Variants in MID1 observed in about 807,000 individuals in gnomAD.
The protein encoded by MID1 is midline 1, also known as E3 ubiquitin-protein ligase Midline-1.
Under a neutral mutation model 40.4 loss-of-function variants are expected in MID1, and 7 were observed. The ratio of observed to expected loss-of-function variants is 0.17; its 90% CI spans 0.10 to 0.33. MID1 has a LOEUF of 0.33. Among genes scored for constraint, MID1 ranks in the 10% least tolerant of loss-of-function variants. MID1 has a pLI of 1.00. For synonymous variants in MID1, 229 were observed against 221.2 expected, an observed-to-expected ratio of 1.04 and a Z score of -0.31; for missense variants, 367 against 558.5, an observed-to-expected ratio of 0.66 and a Z score of 3.46.
intron 1 of MID1, among the ~76,000 whole-genome samples, chrX:10,726,833 C>T (rs749813109): frequency 8.9e-6 from 1 of 112,612 alleles, no homozygotes; most frequent in Non-Finnish European, 1.9e-5. Context: ...GGCCAAGGAG[C>T]CATGAACTGC....
intron 1 of MID1, among the ~76,000 whole-genome samples, chrX:10,800,588 C>G (rs771809457): frequency 1.8e-5 from 2 of 111,895 alleles, no homozygotes; most frequent in African/African-American, 6.5e-5. Flanking sequence ...AATTGGCTTG[C>G]CACATGTAGC....
At chrX:10,808,361 G>A (rs1352320362) in intron 1 of MID1, among the ~76,000 whole-genome samples, 1 of 111,354 alleles carries the variant, frequency 9.0e-6, no homozygotes, top group Non-Finnish European at 1.9e-5. Context: ...TATCTGTGAT[G>A]AGCCGATGAT....
rs898488703 is a variant in MID1, at chrX:10,804,965, A to C, written c.-187+28589T>G. On this transcript the variant is annotated intron_variant, in intron 1 of 10. Transcript: ENST00000380785. ...AAGTAAATTTTTTCTAATCTTCACC[A>C]TGAGAACCTTGTGGGGGGAATCCTA... Among the ~76,000 whole-genome samples the C allele has an allele frequency of 2.7e-5, 3 of 111,240 alleles. No individual in the cohort carries two copies. In the East Asian group the frequency reaches 8.5e-4, roughly 32 times the overall value.
chrX:10,685,572 G>A (rs747618597), intron 1 of MID1, among the ~76,000 whole-genome samples: 4 of 111,624 alleles, frequency 3.6e-5, no homozygotes, highest in South Asian at 7.5e-4. Flanking sequence ...AGGAAGGAAC[G>A]CTGCTCAGAG....
At chrX:10,777,853 A>G (rs761256022) in intron 1 of MID1, among the ~76,000 whole-genome samples, 7 of 111,847 alleles carry the variant, frequency 6.3e-5, no homozygotes, top group East Asian at 5.6e-4. Context: ...GAAGACAAAC[A>G]TGCACATTAG....
rs767956049 is a variant in MID1, at chrX:10,454,836, T to TATAACTGCAGGACAATAGAAATAA, written c.1655+10_1655+33dup. ...AAGTACAGAATGAGATGTGCCTTTTTATAACTGCAGGACAATAGAAATAAG... is the reference window on the plus strand; with the variant it reads ...AAGTACAGAATGAGATGTGCCTTTTTATAACTGCAGGACAATAGAAATAAATAACTGCAGGACAATAGAAATAAG... On this transcript the variant is annotated intron_variant, in intron 9 of 9. Transcript: ENST00000317552. 5.3e-6 allele frequency: 6 copies of TATAACTGCAGGACAATAGAAATAA among 1,130,873 alleles called. No individual in the cohort carries two copies. In the African/African-American group the frequency reaches 5.4e-5, roughly 10 times the overall value. 93.2% of individuals were successfully genotyped at this position (1,130,873 alleles called of 1,213,427 possible).
chrX:10,664,606 G>T (rs1021833180), intron 1 of MID1, among the ~76,000 whole-genome samples: 1 of 112,034 alleles, frequency 8.9e-6, no homozygotes, highest in African/African-American at 3.2e-5. Flanking sequence ...ATTTCTCTTG[G>T]ATATATACCT....
intron 5 of MID1, chrX:10,475,266 C>A (rs1929946180): frequency 6.2e-6 from 2 of 321,303 alleles, no homozygotes; most frequent in Admixed American, 6.5e-5. Flanking sequence ...AATTACTAGC[C>A]TCTCTCTAAA....
At chrX:10,702,568 A>G (rs2043199364) in intron 1 of MID1, among the ~76,000 whole-genome samples, 1 of 112,476 alleles carries the variant, frequency 8.9e-6, no homozygotes, top group African/African-American at 3.2e-5. Context: ...ATCAGAATCT[A>G]TGAGCAAGTT....
chrX:10,452,226 G>GC (rs1274111247), intron 9 of MID1, among the ~76,000 whole-genome samples: 20 of 111,755 alleles, frequency 1.8e-4, no homozygotes, highest in Non-Finnish European at 3.4e-4. Flanking sequence ...GTTGTATGCT[G>GC]CCCCCACCCC....
intron 4 of MID1, among the ~76,000 whole-genome samples, chrX:10,483,600 AC>A (rs1930458231): frequency 1.8e-5 from 2 of 112,010 alleles, no homozygotes; most frequent in African/African-American, 6.5e-5. Flanking sequence ...ACAGGTTTCA[AC>A]CGGCTTTATG....
At chrX:10,632,333 C>T (rs1337744807) in intron 1 of MID1, among the ~76,000 whole-genome samples, 1 of 111,598 alleles carries the variant, frequency 9.0e-6, no homozygotes, top group Non-Finnish European at 1.9e-5. Flanking sequence ...GCTACAGTTC[C>T]CTTATTTGTA....
intron 1 of MID1, among the ~76,000 whole-genome samples, chrX:10,610,417 A>G (rs1278833042): frequency 3.6e-5 from 4 of 111,785 alleles, no homozygotes; most frequent in Non-Finnish European, 3.8e-5. Flanking sequence ...TAGTAGGGGA[A>G]GGGTCAAATC....
At chrX:10,704,371 G>A (rs1264797510) in intron 1 of MID1, among the ~76,000 whole-genome samples, 2 of 110,710 alleles carry the variant, frequency 1.8e-5, no homozygotes, top group Non-Finnish European at 3.8e-5. Flanking sequence ...TTTAAAGAGA[G>A]CTCAGGGACT....
At chrX:10,601,206 G>A (rs945607028) in intron 1 of MID1, among the ~76,000 whole-genome samples, 4 of 111,911 alleles carry the variant, frequency 3.6e-5, no homozygotes, top group African/African-American at 6.5e-5. Flanking sequence ...GGTAAGTAAC[G>A]TGCTTCCCAA....
chrX:10,468,659 T>G (rs1382920156), intron 7 of MID1, among the ~76,000 whole-genome samples: 1 of 111,784 alleles, frequency 8.9e-6, no homozygotes, highest in East Asian at 2.8e-4. Context: ...GAGGACTGCT[T>G]CCTCTGTTAT....
intron 1 of MID1, among the ~76,000 whole-genome samples, chrX:10,786,005 G>T (rs2043880072): frequency 9.0e-6 from 1 of 111,377 alleles, no homozygotes; most frequent in African/African-American, 3.3e-5. Context: ...CACAGCAAAA[G>T]AAACTACCAT....
chrX:10,758,576 C>T (rs1362837265), intron 1 of MID1, among the ~76,000 whole-genome samples: 1 of 101,987 alleles, frequency 9.8e-6, no homozygotes, highest in Non-Finnish European at 2.0e-5. Flanking sequence ...CTGCAAGCTC[C>T]GCCTCCCAGG....
intron 1 of MID1, among the ~76,000 whole-genome samples, chrX:10,733,982 C>T (rs779265797): frequency 2.7e-5 from 3 of 112,281 alleles, no homozygotes; most frequent in South Asian, 3.7e-4. Context: ...TATGTCCTCA[C>T]GAAGATTTGT....
Sources: allele counts gnomAD v4.1 joint callset (sites outside exome capture counted in the v4.1 genomes callset), GRCh38; gene constraint gnomAD v4.1.1; transcripts MANE v1.5; gene names NCBI Gene and HGNC (gene_info 2026-07-23, HGNC 2026-07-21).